Variants in SLC12A1 observed in about 807,000 individuals in gnomAD.
SLC12A1 encodes solute carrier family 12 member 1.
SLC12A1 carries 89 observed loss-of-function variants against 130.4 expected under a neutral mutation model. The ratio of observed to expected loss-of-function variants is 0.68; its 90% confidence interval spans 0.58 to 0.81. SLC12A1 has a LOEUF of 0.81. Among genes scored for constraint, SLC12A1 ranks in the 40% least tolerant of loss-of-function variants. SLC12A1 has a pLI of 0.00. For missense variants in SLC12A1, 1,310 were observed against 1,336.4 expected (o/e 0.98, Z 0.31); for synonymous variants, 499 against 460.0 (o/e 1.08, Z -1.09).
chr15:48,296,595 TGTGGACTTAG>T (rs895669973), intron 24 of SLC12A1, among the ~76,000 whole-genome samples: 1 of 152,198 alleles, frequency 6.6e-6, no homozygotes, highest in African/African-American at 2.4e-5. Context: ...AGAAATTTTA[TGTGGACTTAG>T]GGGGAAAATA....
chr15:48,275,394 A>G (rs1305971572), intron 20 of SLC12A1, among the ~76,000 whole-genome samples: 1 of 152,196 alleles, frequency 6.6e-6, no homozygotes, highest in Non-Finnish European at 1.5e-5. Context: ...TGGGTAGACC[A>G]AGATTAATAA....
At chr15:48,290,767 G>A (rs145933114) in intron 23 of SLC12A1, among the ~76,000 whole-genome samples, 2 of 151,884 alleles carry the variant, frequency 1.3e-5, no homozygotes, top group African/African-American at 2.4e-5. Flanking sequence ...ATATTTGTAT[G>A]CTAATATTAT....
intron 20 of SLC12A1, among the ~76,000 whole-genome samples, chr15:48,283,781 C>T: frequency 6.6e-6 from 1 of 152,210 alleles, no homozygotes; most frequent in Non-Finnish European, 1.5e-5. Flanking sequence ...CTATCCTCTT[C>T]CTCTGAGCAT....
intron 4 of SLC12A1, chr15:48,225,644 C>T (rs2041275432): frequency 6.6e-6 from 1 of 152,208 alleles, no homozygotes; most frequent in Non-Finnish European, 1.5e-5. Flanking sequence ...TAGTTCTGCA[C>T]ATTTTAGCTC....
At chr15:48,296,261 A>G (rs1018322449) in intron 24 of SLC12A1, among the ~76,000 whole-genome samples, 3 of 152,240 alleles carry the variant, frequency 2.0e-5, no homozygotes, top group African/African-American at 7.2e-5. Context: ...TGCCTTTAAT[A>G]AATCTTTTGA....
intron 17 of SLC12A1, 23 bp downstream of exon 17, chr15:48,259,334 G>A: frequency 1.3e-6 from 2 of 1,490,056 alleles, no homozygotes; most frequent in Non-Finnish European, 9.4e-7. Flanking sequence ...TCACCCCAGG[G>A]AAGTCCTTTT....
At chr15:48,264,802 G>A (rs2041814592) in intron 17 of SLC12A1, among the ~76,000 whole-genome samples, 2 of 152,220 alleles carry the variant, frequency 1.3e-5, no homozygotes, top group East Asian at 1.9e-4. Flanking sequence ...GAATGGGGTT[G>A]GAACCCCTTT....
In SLC12A1 at chr15:48,206,303, C is replaced by T. The variant is rs143292785; in HGVS notation, c.-214C>T. 2 of 152,322 alleles carry T rather than the reference C, an allele frequency of 1.3e-5. No homozygotes were observed. The highest frequency in any genetic ancestry group is 1.9e-4 in the East Asian group (1 of 5,184). The allele number at this position is 152,322 out of a possible 1,614,324, so 9.4% of individuals were successfully genotyped here. A position where few individuals can be genotyped will look rare whatever the true frequency, so the allele number is the denominator to read the frequency against. On this transcript the variant is annotated 5_prime_UTR_variant, in exon 1 of 27. Coordinates refer to ENST00000380993, the MANE Select transcript of SLC12A1 (RefSeq NM_000338.3). ...TCCTGGGTGACGCTGAAGCAGGTTA[C>T]ATTTCCTCAGAAGAAGGCTCCTTGG...
chr15:48,231,880 G>T (rs546370875), intron 7 of SLC12A1, among the ~76,000 whole-genome samples: 1 of 152,028 alleles, frequency 6.6e-6, no homozygotes, highest in African/African-American at 2.4e-5. Context: ...CCAGGGTGGC[G>T]TATGCCTGTA....
At chr15:48,227,231 T>C (rs2041301645) in intron 5 of SLC12A1, 1 of 1,128,882 alleles carries the variant, frequency 8.9e-7, no homozygotes, top group Non-Finnish European at 1.3e-6. Flanking sequence ...TGTCTGGAGT[T>C]AATTTACTAT....
chr15:48,260,254 G>A (rs1392371511), intron 17 of SLC12A1, among the ~76,000 whole-genome samples: 3 of 148,448 alleles, frequency 2.0e-5, no homozygotes, highest in Admixed American at 1.3e-4. Context: ...TACAGAGCAA[G>A]ACTCCATAAT....
intron 4 of SLC12A1, chr15:48,226,063 TC>T (rs1463568127): frequency 4.7e-6 from 1 of 212,260 alleles, no homozygotes; most frequent in Non-Finnish European, 8.4e-6. Flanking sequence ...TGGTTTCTTT[TC>T]CCCCATCAGG....
At chr15:48,214,732 G>T (rs1167913358) in intron 2 of SLC12A1, among the ~76,000 whole-genome samples, 1 of 151,928 alleles carries the variant, frequency 6.6e-6, no homozygotes, top group Non-Finnish European at 1.5e-5. Context: ...TACTGGGATT[G>T]GTTTTTAGAT....
intron 25 of SLC12A1, among the ~76,000 whole-genome samples, chr15:48,300,570 C>T (rs1270381672): frequency 6.6e-6 from 1 of 152,042 alleles, no homozygotes; most frequent in Non-Finnish European, 1.5e-5. Flanking sequence ...GAGCAAGAAA[C>T]GCTAAAAGCC....
intron 24 of SLC12A1, among the ~76,000 whole-genome samples, chr15:48,297,130 CTTT>C (rs377282389): frequency 1.3e-5 from 2 of 151,958 alleles, no homozygotes; most frequent in Non-Finnish European, 2.9e-5. Flanking sequence ...CCCTACTTTA[CTTT>C]TTTTTAATAA....
At chr15:48,208,728 G>A (rs139248877) in intron 2 of SLC12A1, among the ~76,000 whole-genome samples, 15 of 152,284 alleles carry the variant, frequency 9.9e-5, no homozygotes, top group Admixed American at 3.3e-4. Flanking sequence ...GGTTAAACAC[G>A]TCAAACTGAA....
At chr15:48,246,011 G>A (rs1472757069) in intron 11 of SLC12A1, among the ~76,000 whole-genome samples, 2 of 152,208 alleles carry the variant, frequency 1.3e-5, no homozygotes, top group African/African-American at 4.8e-5. Context: ...ATATTAATTT[G>A]TCTGCATGAT....
chr15:48,261,397 T>C (rs926545064), intron 17 of SLC12A1, among the ~76,000 whole-genome samples: 4 of 152,230 alleles, frequency 2.6e-5, no homozygotes, highest in African/African-American at 7.2e-5. Flanking sequence ...GTGCCACCAA[T>C]GGCCCTGTTT....
intron 18 of SLC12A1, 54 bp from the exon 19 acceptor site, chr15:48,269,604 T>C: frequency 2.3e-6 from 2 of 882,558 alleles, no homozygotes; most frequent in Non-Finnish European, 3.8e-6. Context: ...TCATTTGTGA[T>C]GGTAGTTTCC....
Sources: allele counts gnomAD v4.1 joint callset (sites outside exome capture counted in the v4.1 genomes callset), GRCh38; gene constraint gnomAD v4.1.1; transcripts MANE v1.5; gene names NCBI Gene and HGNC (gene_info 2026-07-23, HGNC 2026-07-21).